PDE4D: variants seen among roughly 807,000 people sequenced by gnomAD.
The protein encoded by PDE4D is phosphodiesterase 4D.
In PDE4D, 24 loss-of-function variants were observed where a neutral mutation model predicts 87.4. That is an observed-to-expected ratio of 0.27 (90% CI 0.20 to 0.39). The LOEUF (loss-of-function observed/expected upper bound fraction) is 0.39, where lower values mean the gene tolerates loss of function less well. PDE4D is among the 10% of genes least tolerant of loss of function. PDE4D has a pLI of 1.00. For synonymous variants in PDE4D, 384 were observed against 383.2 expected, an observed-to-expected ratio of 1.00 and a Z score of -0.02; for missense variants, 714 against 1,041.0, an observed-to-expected ratio of 0.69 and a Z score of 4.32.
At chr5:59,027,157 G>A (rs1388580201) in intron 6 of PDE4D, among the ~76,000 whole-genome samples, 3 of 152,080 alleles carry the variant, frequency 2.0e-5, no homozygotes, top group Non-Finnish European at 2.9e-5. Context: ...GTCAAGTTTC[G>A]AGGGTAGAAT....
chr5:59,914,345 A>T (rs889353951), intron 3 of PDE4D, among the ~76,000 whole-genome samples: 8 of 152,076 alleles, frequency 5.3e-5, no homozygotes, highest in African/African-American at 1.4e-4. Flanking sequence ...CAATTTTACA[A>T]GATGTGGTCA....
chr5:59,764,515 A>G (rs1762542282), intron 1 of PDE4D, among the ~76,000 whole-genome samples: 1 of 152,192 alleles, frequency 6.6e-6, no homozygotes, highest in Non-Finnish European at 1.5e-5. Flanking sequence ...CATAGCACCT[A>G]GAGTATGCTG....
intron 5 of PDE4D, among the ~76,000 whole-genome samples, chr5:59,112,615 G>A (rs1029799870): frequency 6.6e-6 from 1 of 152,072 alleles, no homozygotes; most frequent in African/African-American, 2.4e-5. Context: ...GATACGAGAT[G>A]TTCTAAAAAG....
At chr5:59,158,838 G>A (rs1332350901) in intron 5 of PDE4D, among the ~76,000 whole-genome samples, 1 of 152,172 alleles carries the variant, frequency 6.6e-6, no homozygotes, top group East Asian at 1.9e-4. Context: ...ACTTTCAGAA[G>A]CCCAGTGCCA....
intron 1 of PDE4D, among the ~76,000 whole-genome samples, chr5:59,845,628 A>C (rs770836328): frequency 6.6e-6 from 1 of 152,086 alleles, no homozygotes; most frequent in Non-Finnish European, 1.5e-5. Flanking sequence ...AAATACAGTA[A>C]ATTTACCATA....
chr5:59,022,525 G>A (rs1358228003), intron 6 of PDE4D, among the ~76,000 whole-genome samples: 1 of 152,148 alleles, frequency 6.6e-6, no homozygotes, highest in Non-Finnish European at 1.5e-5. Flanking sequence ...CCTTCCGTGA[G>A]TTTATCCTAT....
At chr5:60,232,055 G>C (rs1254203662) in intron 1 of PDE4D, among the ~76,000 whole-genome samples, 5 of 151,826 alleles carry the variant, frequency 3.3e-5, no homozygotes, top group Non-Finnish European at 7.4e-5. Flanking sequence ...TCACAGATAA[G>C]ATCTACAACC....
At chr5:59,050,595 T>C (rs1000110925) in intron 5 of PDE4D, among the ~76,000 whole-genome samples, 1 of 152,210 alleles carries the variant, frequency 6.6e-6, no homozygotes, top group African/African-American at 2.4e-5. Flanking sequence ...AGAATATCTA[T>C]GGAGATTTAG....
rs867279428 is a variant in PDE4D at position 60,122,668 on chromosome 5, G to C, written c.42+62889C>G. 1.1e-4 allele frequency among the ~76,000 whole-genome samples: 16 copies of C among 152,296 alleles called. 1 individual carries two copies. In the South Asian group the frequency reaches 1.2e-3, roughly 12 times the overall value. Reference sequence around the variant, plus strand: ...CTCCTAGGCTTCCAGGCCTGTGATGGGAGGGGCTGCTGTGAAGACCTCTGA... The same window carrying C: ...CTCCTAGGCTTCCAGGCCTGTGATGCGAGGGGCTGCTGTGAAGACCTCTGA... On this transcript the variant is annotated intron_variant, in intron 2 of 16. Coordinates refer to the PDE4D transcript ENST00000502484.
At chr5:60,168,822 C>G (rs1263243855) in intron 2 of PDE4D, among the ~76,000 whole-genome samples, 3 of 152,042 alleles carry the variant, frequency 2.0e-5, no homozygotes, top group Non-Finnish European at 4.4e-5. Context: ...ACTGAAACCA[C>G]AGATGCAGAA....
At chr5:59,875,552 C>T (rs35615026) in intron 1 of PDE4D, among the ~76,000 whole-genome samples, 5,328 of 147,382 alleles carry the variant, frequency 0.036, 116 homozygotes, top group Middle Eastern at 0.046. Flanking sequence ...GGTCCCATCA[C>T]TGACTCCTCT....
At chr5:59,201,245 G>A (rs1747297987) in intron 2 of PDE4D, among the ~76,000 whole-genome samples, 1 of 151,998 alleles carries the variant, frequency 6.6e-6, no homozygotes, top group African/African-American at 2.4e-5. Context: ...ATATTAAAAT[G>A]CTACATGAGA....
At chr5:60,240,867 A>G (rs1312422663) in intron 1 of PDE4D, among the ~76,000 whole-genome samples, 19 of 152,078 alleles carry the variant, frequency 1.2e-4, no homozygotes. Flanking sequence ...CATAATACCC[A>G]AGTACTTTTG....
At chr5:59,244,507 C>G (rs1029432055) in intron 1 of PDE4D, among the ~76,000 whole-genome samples, 1 of 149,522 alleles carries the variant, frequency 6.7e-6, no homozygotes, top group African/African-American at 2.5e-5. Context: ...CTATTATGTG[C>G]CAGATGAATA....
intron 5 of PDE4D, among the ~76,000 whole-genome samples, chr5:59,136,576 T>G (rs1459594971): frequency 6.6e-6 from 1 of 152,164 alleles, no homozygotes; most frequent in Non-Finnish European, 1.5e-5. Context: ...TAGATCATGA[T>G]CTGTATAAGT....
intron 1 of PDE4D, among the ~76,000 whole-genome samples, chr5:60,505,787 G>A (rs968153396): frequency 6.6e-6 from 1 of 152,178 alleles, no homozygotes; most frequent in African/African-American, 2.4e-5. Context: ...CTCCTGATTT[G>A]GTCCTTGGCT....
intron 1 of PDE4D, among the ~76,000 whole-genome samples, chr5:60,227,271 T>C (rs180974725): frequency 1.2e-4 from 18 of 152,166 alleles, no homozygotes; most frequent in Non-Finnish European, 1.9e-4. Flanking sequence ...ATGATTGGCA[T>C]TTGGTAATTA....
intron 1 of PDE4D, among the ~76,000 whole-genome samples, chr5:60,327,932 CTAACA>C (rs1351229460): frequency 3.9e-5 from 6 of 152,178 alleles, no homozygotes; most frequent in African/African-American, 1.2e-4. Flanking sequence ...TCTATTAAAC[CTAACA>C]TAATAGCTTC....
chr5:59,701,922 G>A (rs928730500), intron 1 of PDE4D, among the ~76,000 whole-genome samples: 3 of 152,208 alleles, frequency 2.0e-5, no homozygotes, highest in African/African-American at 7.2e-5. Flanking sequence ...GAGGCAGAGA[G>A]TGGCATAAAG....
Sources: gnomAD v4.1 joint callset for allele counts (sites outside exome capture counted in the v4.1 genomes callset) on GRCh38, gnomAD v4.1.1 for gene constraint, MANE v1.5 for transcripts, NCBI Gene and HGNC (gene_info 2026-07-23, HGNC 2026-07-21) for gene names.